Variants in KIAA0825 observed in about 807,000 individuals in gnomAD.
The protein encoded by KIAA0825 is uncharacterized protein KIAA0825.
A neutral mutation model predicts 147.6 loss-of-function variants in KIAA0825; 119 were observed. That is an observed-to-expected ratio of 0.81 (90% CI 0.69 to 0.94). The LOEUF (loss-of-function observed/expected upper bound fraction) is 0.94. Ranked by LOEUF, KIAA0825 falls within the 40% of genes least tolerant of loss-of-function variation. The pLI, the probability that KIAA0825 is intolerant of heterozygous loss-of-function variation, is 0.00. For missense variants in KIAA0825, 1,381 were observed against 1,472.7 expected, an observed-to-expected ratio of 0.94 and a Z score of 1.02; for synonymous variants, 470 against 518.1, an observed-to-expected ratio of 0.91 and a Z score of 1.26.
chr5:94,360,423 G>C (rs1744908764), intron 20 of KIAA0825, among the ~76,000 whole-genome samples: 1 of 152,172 alleles, frequency 6.6e-6, no homozygotes, highest in Non-Finnish European at 1.5e-5. Flanking sequence ...CTGCTGGGCT[G>C]CATTCCCAGT....
chr5:94,219,791 C>T (rs1429375227), intron 20 of KIAA0825, among the ~76,000 whole-genome samples: 1 of 152,114 alleles, frequency 6.6e-6, no homozygotes, highest in East Asian at 1.9e-4. Context: ...TTATAGGGCA[C>T]TTACCATGAA....
chr5:94,250,524 C>T (rs1256766821), intron 20 of KIAA0825, among the ~76,000 whole-genome samples: 2 of 152,102 alleles, frequency 1.3e-5, no homozygotes, highest in African/African-American at 2.4e-5. Flanking sequence ...AAAACTAGTA[C>T]TTTGACACCC....
intron 2 of KIAA0825, among the ~76,000 whole-genome samples, chr5:94,548,255 G>A (rs936053535): frequency 1.6e-4 from 25 of 152,190 alleles, no homozygotes; most frequent in African/African-American, 2.2e-4. Context: ...GAGAAACAAC[G>A]AAAAGTTAAA....
chr5:94,531,035 G>A (rs1770695183), intron 3 of KIAA0825, among the ~76,000 whole-genome samples: 1 of 151,892 alleles, frequency 6.6e-6, no homozygotes, highest in Non-Finnish European at 1.5e-5. Context: ...TATCATTTAG[G>A]AATATCCCCA....
intron 5 of KIAA0825, among the ~76,000 whole-genome samples, chr5:94,505,321 A>T (rs1158029510): frequency 2.0e-5 from 3 of 151,174 alleles, no homozygotes; most frequent in African/African-American, 7.3e-5. Flanking sequence ...AGATGACACC[A>T]TTGCACTCCA....
intron 20 of KIAA0825, among the ~76,000 whole-genome samples, chr5:94,161,914 T>C (rs991754384): frequency 6.6e-6 from 1 of 152,210 alleles, no homozygotes; most frequent in Non-Finnish European, 1.5e-5. Flanking sequence ...TTAATAAACA[T>C]GGCAGAGTGA....
intron 3 of KIAA0825, among the ~76,000 whole-genome samples, chr5:94,530,755 T>TAAGA: frequency 6.6e-6 from 1 of 152,106 alleles, no homozygotes; most frequent in African/African-American, 2.4e-5. Flanking sequence ...AGTCCTCTTA[T>TAAGA]AGTGTTCCCT....
At chr5:94,518,835 T>G (rs900944691) in intron 5 of KIAA0825, among the ~76,000 whole-genome samples, 4 of 152,092 alleles carry the variant, frequency 2.6e-5, no homozygotes, top group Non-Finnish European at 5.9e-5. Context: ...ATATCAACCC[T>G]AAAGACTCCA....
chr5:94,614,158 T>C (rs1476556578), intron 1 of KIAA0825, among the ~76,000 whole-genome samples: 2 of 152,150 alleles, frequency 1.3e-5, no homozygotes, highest in Non-Finnish European at 2.9e-5. Context: ...CATGGAAAAA[T>C]TCATGGTATA....
At chr5:94,439,227 T>C (rs1756760500) in intron 14 of KIAA0825, among the ~76,000 whole-genome samples, 1 of 152,142 alleles carries the variant, frequency 6.6e-6, no homozygotes, top group Non-Finnish European at 1.5e-5. Flanking sequence ...AAGATTTTGA[T>C]TTGGGAAACC....
intron 20 of KIAA0825, among the ~76,000 whole-genome samples, chr5:94,175,844 GC>G (rs1769043274): frequency 6.6e-6 from 1 of 151,878 alleles, no homozygotes; most frequent in Non-Finnish European, 1.5e-5. Flanking sequence ...CTTCTGTCTT[GC>G]CCCCTCCCAT....
chr5:94,174,351 C>T (rs745958185), intron 20 of KIAA0825, among the ~76,000 whole-genome samples: 10 of 151,978 alleles, frequency 6.6e-5, no homozygotes, highest in African/African-American at 1.9e-4. Context: ...TTTTCCAGAA[C>T]GGAGTTTGCA....
intron 20 of KIAA0825, among the ~76,000 whole-genome samples, chr5:94,353,134 A>T (rs927975883): frequency 6.6e-6 from 1 of 152,238 alleles, no homozygotes; most frequent in Non-Finnish European, 1.5e-5. Context: ...ATAAAAGTTC[A>T]AAAGGACAAT....
intron 1 of KIAA0825, chr5:94,594,444 T>G: frequency 1.4e-6 from 1 of 736,464 alleles, no homozygotes; most frequent in Non-Finnish European, 2.6e-6. Context: ...TACAGTAGAT[T>G]TTGAGTGTAT....
intron 20 of KIAA0825, among the ~76,000 whole-genome samples, chr5:94,231,832 G>T (rs1195770304): frequency 1.3e-5 from 2 of 152,042 alleles, no homozygotes; most frequent in Non-Finnish European, 2.9e-5. Flanking sequence ...ATAATTTGTG[G>T]ACATTTAACA....
chr5:94,221,663 T>A (rs746042311), intron 20 of KIAA0825, among the ~76,000 whole-genome samples: 1 of 152,248 alleles, frequency 6.6e-6, no homozygotes, highest in Non-Finnish European at 1.5e-5. Flanking sequence ...AGGCCTGAAC[T>A]GATTTCCTCT....
intron 14 of KIAA0825, among the ~76,000 whole-genome samples, chr5:94,439,491 G>A (rs1756791372): frequency 1.3e-5 from 2 of 152,192 alleles, no homozygotes; most frequent in African/African-American, 2.4e-5. Flanking sequence ...ATTTTCTGAT[G>A]ATTACTACTC....
intron 5 of KIAA0825, among the ~76,000 whole-genome samples, chr5:94,518,995 C>A (rs1033600922): frequency 6.6e-6 from 1 of 151,686 alleles, no homozygotes; most frequent in Non-Finnish European, 1.5e-5. Flanking sequence ...AATAAGTACA[C>A]TAATAAAGTG....
At chr5:94,614,765 T>C (rs1378225468) in intron 1 of KIAA0825, among the ~76,000 whole-genome samples, 1 of 152,166 alleles carries the variant, frequency 6.6e-6, no homozygotes, top group Middle Eastern at 3.2e-3. Flanking sequence ...TGTATGTAAA[T>C]TGCCCTACAT....
Sources: allele counts gnomAD v4.1 joint callset (sites outside exome capture counted in the v4.1 genomes callset), GRCh38; gene constraint gnomAD v4.1.1; transcripts MANE v1.5; gene names NCBI Gene and HGNC (gene_info 2026-07-23, HGNC 2026-07-21).